The following USH2A variants were observed in gnomAD, a reference collection of about 807,000 sequenced individuals.
USH2A encodes the protein Usher syndrome 2A (autosomal recessive, mild).
USH2A carries 443 observed loss-of-function variants against 538.9 expected under a neutral mutation model. The observed-to-expected ratio is 0.82, with a 90% confidence interval of 0.76 to 0.89. USH2A has a LOEUF of 0.89. Among genes scored for constraint, USH2A ranks in the 40% least tolerant of loss-of-function variants. The pLI is 0.00. For synonymous variants in USH2A, 2,413 were observed against 2,273.5 expected, an observed-to-expected ratio of 1.06 and a Z score of -1.75; for missense variants, 6,633 against 6,324.8, an observed-to-expected ratio of 1.05 and a Z score of -1.65.
chr1:216,256,764 TA>T (rs763477434), intron 11 of USH2A, among the ~76,000 whole-genome samples: 49 of 152,128 alleles, frequency 3.2e-4, no homozygotes, highest in Admixed American at 5.2e-4. Flanking sequence ...TACTTTATGG[TA>T]AGAATACAGT....
intron 30 of USH2A, among the ~76,000 whole-genome samples, chr1:216,064,632 G>A (rs960751044): frequency 6.6e-5 from 10 of 152,114 alleles, no homozygotes; most frequent in Non-Finnish European, 1.5e-5. Flanking sequence ...ATATAGGATG[G>A]TGGTCCCATA....
At chr1:215,846,126 AAG>A (rs1253222042) in intron 44 of USH2A, 93 bp from the exon 45 acceptor site, 1 of 1,307,712 alleles carries the variant, frequency 7.6e-7, no homozygotes, top group Admixed American at 2.0e-5. Context: ...ATGAGAAAAA[AAG>A]AAGTTTAGAG....
chr1:216,423,391 C>A lies in USH2A; in HGVS notation c.-382G>T, dbSNP rs1485549056. ...TGCCCAGGTAAAGTATTCTGCAGAG[C>A]AAACACTTGGTTACCTGAAGCTCAG... On this transcript the variant is annotated 5_prime_UTR_variant, in exon 1 of 72. Transcript: ENST00000307340. The A allele has an allele frequency of 6.6e-6, 1 of 152,146 alleles. No homozygotes were observed. The highest frequency in any genetic ancestry group is 1.9e-4 in the East Asian group (1 of 5,154). 9.4% of individuals were successfully genotyped at this position (152,146 alleles called of 1,614,324 possible).
chr1:216,377,810 A>AGAAAGAAAGAGAAG (rs1236018963), intron 3 of USH2A, among the ~76,000 whole-genome samples: 219 of 10,322 alleles, frequency 0.021, 5 homozygotes, highest in African/African-American at 0.055. Flanking sequence ...AGAAATAAAA[A>AGAAAGAAAGAGAAG]GAAAGAAAGA....
chr1:216,345,508 A>T (rs962821139), intron 4 of USH2A, among the ~76,000 whole-genome samples: 1 of 152,174 alleles, frequency 6.6e-6, no homozygotes, highest in Non-Finnish European at 1.5e-5. Context: ...ATTTCTTACC[A>T]GTGAGACTTC....
rs1292069809 is a variant in USH2A, at chr1:216,089,052, GA to G, written c.4845del (p.Gln1616ArgfsTer19). 1 of 1,613,506 alleles carries G rather than the reference GA, an allele frequency of 6.2e-7. No individual in the cohort carries two copies. The highest frequency in any genetic ancestry group is 1.1e-5 in the South Asian group (1 of 91,066). On this transcript the variant is annotated frameshift_variant, in exon 23 of 72. Transcript: ENST00000307340. LOFTEE classifies it high-confidence loss of function. Reference sequence around the variant, plus strand: ...TCCAGAGTGATTTGGCCAAAAGCCTGATGCCTAATAGCAATTATTTCATGCC... The same window carrying G: ...TCCAGAGTGATTTGGCCAAAAGCCTGTGCCTAATAGCAATTATTTCATGCC... The part of the protein sequence containing the change: ...GKWHEIIAIR[H>X]QAFGQITLDG...
intron 13 of USH2A, among the ~76,000 whole-genome samples, chr1:216,234,069 G>A (rs964655627): frequency 2.0e-5 from 3 of 152,136 alleles, no homozygotes; most frequent in Non-Finnish European, 4.4e-5. Context: ...AAATAGCAAT[G>A]ATATTGAAAG....
At chr1:216,185,843 C>T (rs2034588134) in intron 20 of USH2A, among the ~76,000 whole-genome samples, 1 of 151,846 alleles carries the variant, frequency 6.6e-6, no homozygotes, top group African/African-American at 2.4e-5. Context: ...ACACATTCAT[C>T]TACTGAATAA....
intron 38 of USH2A, among the ~76,000 whole-genome samples, chr1:215,920,963 T>G (rs1210008242): frequency 1.3e-5 from 2 of 152,076 alleles, no homozygotes; most frequent in African/African-American, 4.8e-5. Context: ...ATATTCCACA[T>G]ATGAATAAGT....
At chr1:216,161,051 T>C (rs1393193218) in intron 21 of USH2A, among the ~76,000 whole-genome samples, 1 of 152,154 alleles carries the variant, frequency 6.6e-6, no homozygotes, top group African/African-American at 2.4e-5. Flanking sequence ...ATACATCTTA[T>C]CTCTTTCTTT....
intron 21 of USH2A, among the ~76,000 whole-genome samples, chr1:216,117,632 T>C (rs2033038111): frequency 6.6e-6 from 1 of 152,134 alleles, no homozygotes; most frequent in Non-Finnish European, 1.5e-5. Flanking sequence ...TGCCTTTGTG[T>C]AGACACACCT....
chr1:216,261,801 C>T lies in USH2A; in HGVS notation c.1972-10703G>A, dbSNP rs146425489. On this transcript the variant is annotated intron_variant, in intron 11 of 71. Transcript: ENST00000307340. ...GCCTGAGAAACAGCCCACGGCTTCA[C>T]CCAAAGCAAGCCAGTTCCTAAGCTA... Among the ~76,000 whole-genome samples, 3 of 152,220 alleles carry T rather than the reference C, an allele frequency of 2.0e-5. No individual in the cohort carries two copies. The East Asian group carries it at 5.8e-4, about 30-fold the overall frequency.
intron 61 of USH2A, among the ~76,000 whole-genome samples, 165 bp downstream of exon 61, chr1:215,727,865 A>T (rs967624538): frequency 6.6e-6 from 1 of 152,220 alleles, no homozygotes; most frequent in African/African-American, 2.4e-5. Context: ...CCTCATACTC[A>T]GTTCAGTATC....
intron 32 of USH2A, among the ~76,000 whole-genome samples, chr1:216,032,358 T>G (rs2102512646): frequency 6.6e-6 from 1 of 152,310 alleles, no homozygotes; most frequent in African/African-American, 2.4e-5. Context: ...CACATTTAAT[T>G]TTTATACTAA....
intron 55 of USH2A, among the ~76,000 whole-genome samples, chr1:215,770,326 G>A (rs1390748215): frequency 6.6e-6 from 1 of 151,952 alleles, no homozygotes; most frequent in Non-Finnish European, 1.5e-5. Context: ...ACATAAAAAT[G>A]GTAGAAACCA....
intron 44 of USH2A, among the ~76,000 whole-genome samples, chr1:215,850,465 G>A (rs754769818): frequency 2.2e-4 from 34 of 152,208 alleles, no homozygotes; most frequent in South Asian, 4.2e-4. Flanking sequence ...GCAATTGGCC[G>A]TCTATGAGGG....
At chr1:215,858,473 A>G (rs1459195225) in intron 44 of USH2A, among the ~76,000 whole-genome samples, 3 of 149,320 alleles carry the variant, frequency 2.0e-5, no homozygotes, top group Non-Finnish European at 4.4e-5. Flanking sequence ...AGTTCCTCCT[A>G]TGTGTGCATT....
chr1:216,007,076 T>C (rs1668410962), intron 32 of USH2A, among the ~76,000 whole-genome samples: 1 of 152,160 alleles, frequency 6.6e-6, no homozygotes, highest in Non-Finnish European at 1.5e-5. Flanking sequence ...AATGGTTCCA[T>C]AAGGGGTTTC....
chr1:216,318,168 T>G (rs1305736157), intron 9 of USH2A, among the ~76,000 whole-genome samples: 3 of 152,200 alleles, frequency 2.0e-5, no homozygotes, highest in Non-Finnish European at 4.4e-5. Context: ...CATTTTCATC[T>G]GTTTGCCAAA....
Sources: gnomAD v4.1 joint callset for allele counts (sites outside exome capture counted in the v4.1 genomes callset) on GRCh38, gnomAD v4.1.1 for gene constraint, MANE v1.5 for transcripts, NCBI Gene and HGNC (gene_info 2026-07-23, HGNC 2026-07-21) for gene names.